MED13L: variants seen among roughly 807,000 people sequenced by gnomAD.
The protein encoded by MED13L is mediator of RNA polymerase II transcription subunit 13-like.
MED13L carries 7 observed loss-of-function variants against 220.9 expected under a neutral mutation model. The observed-to-expected ratio is 0.03, with a 90% CI of 0.02 to 0.06. The LOEUF (loss-of-function observed/expected upper bound fraction) is 0.06. Ranked by LOEUF, MED13L falls within the 10% of genes least tolerant of loss-of-function variation. The pLI, the probability that MED13L is intolerant of heterozygous loss-of-function variation, is 1.00. For synonymous variants in MED13L, 1,011 were observed against 1,015.2 expected (o/e 1.00, Z 0.08); for missense variants, 1,965 against 2,760.5 (o/e 0.71, Z 6.46).
rs201217724 is a variant in MED13L at position 116,178,630 on chromosome 12, T to C, written c.310+58838A>G. On this transcript the variant is annotated intron_variant, in intron 2 of 30. Transcript: ENST00000281928. ...CTAATCCTGTGATACTTCTGCACTG[T>C]TCTTACAACCCACTTGCCTTGTCTT... Among the ~76,000 whole-genome samples, 3 of 152,254 alleles carry C rather than the reference T, an allele frequency of 2.0e-5. No individual in the cohort carries two copies. In the East Asian group the frequency reaches 5.8e-4, roughly 29 times the overall value.
At chr12:116,194,868 T>C (rs1191988651) in intron 2 of MED13L, among the ~76,000 whole-genome samples, 1 of 152,088 alleles carries the variant, frequency 6.6e-6, no homozygotes, top group East Asian at 1.9e-4. Context: ...TTTAAAGACC[T>C]ACCTAACTAA....
At chr12:116,274,207 T>TA (rs1324904672) in intron 1 of MED13L, among the ~76,000 whole-genome samples, 1 of 152,040 alleles carries the variant, frequency 6.6e-6, no homozygotes, top group African/African-American at 2.4e-5. Flanking sequence ...TTCCGTGCAG[T>TA]AAAAAATCAG....
In MED13L at chr12:115,983,294, G is replaced by A. The variant is rs1289458332; in HGVS notation, c.4778C>T (p.Ala1593Val). 1 of 1,614,190 alleles carries A rather than the reference G, an allele frequency of 6.2e-7. No homozygotes were observed. ...SVPPVSSSASAPGISQISTTS... is the reference protein window; with the variant it reads ...SVPPVSSSASVPGISQISTTS... Reference sequence around the variant, plus strand: ...AGTGCTTATCTGGCTAATACCAGGAGCAGAGGCAGACGATGAGACCGGTGG... The same window carrying A: ...AGTGCTTATCTGGCTAATACCAGGAACAGAGGCAGACGATGAGACCGGTGG... The change falls in exon 21 of 31, where the codon GCT becomes GTT. Residue 1593 changes from alanine to valine, a missense_variant. Ala to Val is a moderately conservative substitution (Grantham distance 64). Coordinates refer to ENST00000281928, the MANE Select transcript of MED13L (RefSeq NM_015335.5).
chr12:116,205,532 G>GAAAAAAAAAAAAAAAAAGAAAA, intron 2 of MED13L, among the ~76,000 whole-genome samples: 1 of 94,034 alleles, frequency 1.1e-5, no homozygotes, highest in Non-Finnish European at 2.1e-5. Flanking sequence ...CAAAGGAAGA[G>GAAAAAAAAAAAAAAAAAGAAAA]AAAAAAAAAA....
intron 17 of MED13L, 139 bp downstream of exon 17, chr12:115,990,881 C>A (rs1433412950): frequency 1.2e-6 from 1 of 841,246 alleles, no homozygotes; most frequent in Non-Finnish European, 1.9e-6. Flanking sequence ...AAAATCAATA[C>A]AGCTCTCACT....
chr12:116,144,004 AT>A (rs1281736850), intron 2 of MED13L, among the ~76,000 whole-genome samples: 2 of 152,058 alleles, frequency 1.3e-5, no homozygotes, highest in East Asian at 1.9e-4. Flanking sequence ...AAGCCAGGTG[AT>A]TACCCAGAGC....
At chr12:116,237,349 A>T in intron 2 of MED13L, 119 bp downstream of exon 2, 2 of 819,318 alleles carry the variant, frequency 2.4e-6, no homozygotes, top group Non-Finnish European at 4.1e-6. Flanking sequence ...TTTGAGAGAG[A>T]CATCCATGAA....
intron 7 of MED13L, among the ~76,000 whole-genome samples, chr12:116,016,399 C>A (rs1301884092): frequency 6.6e-6 from 1 of 152,106 alleles, no homozygotes; most frequent in Non-Finnish European, 1.5e-5. Context: ...GAAATTTGAA[C>A]TTTGCTACAT....
At position 116,012,885 on chromosome 12, in the gene MED13L, T is replaced by G. The variant is rs777722490; in HGVS notation, c.1192A>C (p.Thr398Pro). Residue 398 changes from threonine to proline, a missense_variant, in exon 9 of 31, where the codon ACT (threonine) becomes CCT (proline). Coordinates refer to ENST00000281928, the MANE Select transcript of MED13L (RefSeq NM_015335.5). ...RTQSKRSQMS[T>P]PTLEEEPASN... The stretch of plus-strand genomic sequence containing the variant: ...GCAGGCTCTTCTTCAAGAGTTGGAG[T>G]TGACATTTGGCTCCTCCTAAAAGGG... 7 of 1,613,456 alleles carry G rather than the reference T, an allele frequency of 4.3e-6. No homozygotes were observed. Among genetic ancestry groups the G allele is most frequent in the Middle Eastern group, 1.7e-4 (1 of 6,060 alleles).
At chr12:116,203,750 G>A (rs1158958342) in intron 2 of MED13L, among the ~76,000 whole-genome samples, 1 of 152,098 alleles carries the variant, frequency 6.6e-6, no homozygotes, top group East Asian at 1.9e-4. Flanking sequence ...GAACCCAGGA[G>A]GCAGAGGTTG....
At chr12:116,158,252 T>C (rs1205831142) in intron 2 of MED13L, among the ~76,000 whole-genome samples, 1 of 151,788 alleles carries the variant, frequency 6.6e-6, no homozygotes, top group African/African-American at 2.4e-5. Flanking sequence ...TGACTTCAAC[T>C]GGGAATGAAG....
chr12:116,258,495 G>A lies in MED13L; in HGVS notation c.72+18565C>T, dbSNP rs186431651. ...ATTTTATTATAAAAAGAAAAAGAAC[G>A]GCCGGACACGGTAGCTCACACCTGT... On this transcript the variant is annotated intron_variant, in intron 1 of 30. Coordinates refer to ENST00000281928, the MANE Select transcript of MED13L (RefSeq NM_015335.5). Among the ~76,000 whole-genome samples, 250 of 152,178 alleles carry A rather than the reference G, an allele frequency of 1.6e-3. 1 individual carries two copies. Among genetic ancestry groups the A allele is most frequent in the African/African-American group, 5.6e-3 (231 of 41,520 alleles).
At chr12:116,190,262 G>C (rs964685491) in intron 2 of MED13L, among the ~76,000 whole-genome samples, 2 of 152,064 alleles carry the variant, frequency 1.3e-5, no homozygotes, top group African/African-American at 4.8e-5. Flanking sequence ...TTTTCTGAGA[G>C]TTTTTAAAAT....
chr12:116,038,429 G>C (rs1411170906), intron 4 of MED13L, among the ~76,000 whole-genome samples: 4 of 151,966 alleles, frequency 2.6e-5, no homozygotes, highest in African/African-American at 9.7e-5. Context: ...AACTGAAATG[G>C]TGTACCTTCC....
chr12:116,204,116 TC>T (rs1882173420), intron 2 of MED13L, among the ~76,000 whole-genome samples: 1 of 152,174 alleles, frequency 6.6e-6, no homozygotes, highest in Non-Finnish European at 1.5e-5. Context: ...TCAACCTAAC[TC>T]AAAGTTTCTG....
intron 2 of MED13L, among the ~76,000 whole-genome samples, chr12:116,139,775 G>GGC (rs1163531994): frequency 1.3e-5 from 2 of 151,942 alleles, no homozygotes; most frequent in Admixed American, 6.6e-5. Flanking sequence ...TTCGAAGCCA[G>GGC]CCTGGCCAAC....
chr12:116,061,984 G>T lies in MED13L; in HGVS notation c.479+34685C>A, dbSNP rs536974954. Among the ~76,000 whole-genome samples, 3 of 146,734 alleles carry T rather than the reference G, an allele frequency of 2.0e-5. No homozygotes were observed. In the East Asian group the frequency reaches 6.1e-4, roughly 30 times the overall value. ...GATCACACCGCTGCACTCCAGCCTG[G>T]GAGACAGAGCAAGACTCCACATCGA... is the stretch of plus-strand genomic sequence containing the variant. On this transcript the variant is annotated intron_variant, in intron 4 of 30. Transcript: ENST00000281928.
chr12:115,997,288 G>T, intron 14 of MED13L, 58 bp from the exon 15 acceptor site: 1 of 1,465,818 alleles, frequency 6.8e-7, no homozygotes, highest in Admixed American at 1.7e-5. Flanking sequence ...AAAAGTCCTA[G>T]CTTATAGCCA....
chr12:116,173,828 T>C (rs1319147372), intron 2 of MED13L, among the ~76,000 whole-genome samples: 1 of 152,120 alleles, frequency 6.6e-6, no homozygotes, highest in Non-Finnish European at 1.5e-5. Flanking sequence ...GATAACCCAG[T>C]GCAAACATGT....
Sources: allele counts gnomAD v4.1 joint callset (sites outside exome capture counted in the v4.1 genomes callset), GRCh38; gene constraint gnomAD v4.1.1; transcripts MANE v1.5; gene names NCBI Gene and HGNC (gene_info 2026-07-23, HGNC 2026-07-21).